The following RYR1 variants were observed in gnomAD, a reference collection of about 807,000 sequenced individuals.
The protein encoded by RYR1 is central core disease of muscle.
A neutral mutation model predicts 583.5 loss-of-function variants in RYR1; 342 were observed. The ratio of observed to expected loss-of-function variants is 0.59; its 90% confidence interval spans 0.54 to 0.64. RYR1 has a LOEUF of 0.64. Ranked by LOEUF, RYR1 falls within the 30% of genes least tolerant of loss-of-function variation. The pLI is 0.00. For synonymous variants in RYR1, 2,791 were observed against 2,822.5 expected, an observed-to-expected ratio of 0.99 and a Z score of 0.35; for missense variants, 6,032 against 6,917.2, an observed-to-expected ratio of 0.87 and a Z score of 4.54.
intron 19 of RYR1, 121 bp downstream of exon 19, chr19:38,459,459 A>G (rs758008592): frequency 7.6e-6 from 7 of 925,270 alleles, no homozygotes; most frequent in Non-Finnish European, 1.2e-5. Flanking sequence ...ATCAAGACTG[A>G]CTGGTGTCCA....
At chr19:38,519,533 G>A in intron 67 of RYR1, 79 bp downstream of exon 67, 2 of 1,491,920 alleles carry the variant, frequency 1.3e-6, no homozygotes, top group Middle Eastern at 4.7e-4. Context: ...TCCGCCTCCT[G>A]ACTGGCTAGA....
chr19:38,455,817 A>G (rs1568448383), intron 16 of RYR1, 66 bp downstream of exon 16: 2 of 999,278 alleles, frequency 2.0e-6, no homozygotes, highest in Non-Finnish European at 3.2e-6. Flanking sequence ...CCAGGGCTCC[A>G]GAACTCTGCT....
intron 81 of RYR1, 133 bp downstream of exon 81, chr19:38,535,525 CAG>C (rs1971928077): frequency 2.6e-6 from 2 of 761,174 alleles, no homozygotes; most frequent in Non-Finnish European, 4.8e-6. Flanking sequence ...GCTCAAATAA[CAG>C]GGAATTTATT....
At chr19:38,530,809 C>CT (rs1378466297) in intron 76 of RYR1, among the ~76,000 whole-genome samples, 5,070 of 146,760 alleles carry the variant, frequency 0.035, 281 homozygotes, top group African/African-American at 0.12. Flanking sequence ...GTCTCTCTCT[C>CT]TTTTTTTTTT....
Position 38,517,741 on chromosome 19 carries a change from T to C in RYR1, c.10018+50T>C, listed in dbSNP as rs566904093. On this transcript the variant is annotated intron_variant, in intron 66 of 105. Coordinates refer to ENST00000359596, the MANE Select transcript of RYR1 (RefSeq NM_000540.3). The stretch of plus-strand genomic sequence containing the variant: ...TGAGGGGTGGGTCAGCAGCCTGGGC[T>C]CCCTTGGCAGATGGTCTGAAAGGGA... 1.6e-4 allele frequency: 245 copies of C among 1,561,654 alleles called. 1 individual carries two copies. The highest frequency in any genetic ancestry group is 2.1e-4 in the Non-Finnish European group (239 of 1,132,694).
chr19:38,522,292 A>C (rs1369516995), intron 67 of RYR1, among the ~76,000 whole-genome samples: 1 of 152,114 alleles, frequency 6.6e-6, no homozygotes, highest in Non-Finnish European at 1.5e-5. Context: ...AAAAGGTTAG[A>C]CAAAGTTTTT....
chr19:38,506,354 G>A lies in RYR1; in HGVS notation c.8593G>A (p.Val2865Ile), dbSNP rs1447338630. 6.2e-7 allele frequency: 1 copy of A among 1,613,766 alleles called. No individual in the cohort carries two copies. Among genetic ancestry groups the A allele is most frequent in the South Asian group, 1.1e-5 (1 of 91,064 alleles). Residue 2865 changes from valine to isoleucine, a missense_variant, in exon 55 of 106, where the codon GTT becomes ATT. By Grantham distance (29) the Val-to-Ile change is conservative. Coordinates refer to ENST00000359596, the MANE Select transcript of RYR1 (RefSeq NM_000540.3). The stretch of plus-strand genomic sequence containing the variant: ...CCCTCAGCCCCCCGACCTTAGTGCT[G>A]TTACCCTGTCCCGGGAGCTGCAGGT... ...YNPQPPDLSA[V>I]TLSRELQAMA... is the part of the protein sequence containing the mutation.
chr19:38,503,264 C>T (rs1456310903), intron 49 of RYR1, among the ~76,000 whole-genome samples: 1 of 152,192 alleles, frequency 6.6e-6, no homozygotes, highest in African/African-American at 2.4e-5. Flanking sequence ...ACACCACTTT[C>T]CCTAATTAGC....
chr19:38,502,788 GGGGCAGGGGCAGGGGC>G lies in RYR1; in HGVS notation c.7835+62_7836-76del, dbSNP rs1970224667. 7 of 1,105,800 alleles carry G rather than the reference GGGGCAGGGGCAGGGGC, an allele frequency of 6.3e-6. No individual in the cohort carries two copies. In the African/African-American group the frequency reaches 7.6e-5, roughly 12 times the overall value. 68.5% of individuals were successfully genotyped at this position (1,105,800 alleles called of 1,614,324 possible). A position where few individuals can be genotyped will look rare whatever the true frequency, so the allele number is the denominator to read the frequency against. On this transcript the variant is annotated intron_variant, in intron 48 of 105. Coordinates refer to ENST00000359596, the MANE Select transcript of RYR1 (RefSeq NM_000540.3). ...AGGGGCAGGGGCAGGGGCAGGGGCA[GGGGCAGGGGCAGGGGC>G]AGGGGGAGGAGCAGGGGCAGGGGCA...
intron 76 of RYR1, among the ~76,000 whole-genome samples, chr19:38,530,222 G>T (rs1157436126): frequency 1.3e-5 from 2 of 152,026 alleles, no homozygotes; most frequent in African/African-American, 4.8e-5. Context: ...TCAAAGTGCT[G>T]GGACTACAGG....
chr19:38,467,782 C>T lies in RYR1; in HGVS notation c.3351C>T (p.Asp1117=), dbSNP rs151182947. The T allele has an allele frequency of 2.9e-5, 46 of 1,614,026 alleles. No homozygotes were observed. The highest frequency in any genetic ancestry group is 1.7e-4 in the African/African-American group (13 of 74,926). ...GGCCTGATGTAGAGCTGGGAGCTGA[C>T]GAGCTGGCCTATGTCTTCAATGGGC... is the stretch of plus-strand genomic sequence containing the variant. ...ELRPDVELGA[D]ELAYVFNGHR... The change falls in exon 25 of 106, where the codon GAC becomes GAT. Residue 1117 remains aspartate, a synonymous_variant. Coordinates refer to ENST00000359596, the MANE Select transcript of RYR1 (RefSeq NM_000540.3).
intron 58 of RYR1, among the ~76,000 whole-genome samples, chr19:38,509,624 T>C (rs1970639964): frequency 6.6e-6 from 1 of 151,580 alleles, no homozygotes; most frequent in Non-Finnish European, 1.5e-5. Context: ...GTTAATTTTT[T>C]GTGTTTGTAT....
At chr19:38,528,157 T>C in intron 73 of RYR1, 149 bp from the exon 74 acceptor site, 1 of 736,318 alleles carries the variant, frequency 1.4e-6, no homozygotes. Context: ...GTCAGGACCC[T>C]GACTCTGTTG....
intron 95 of RYR1, 101 bp from the exon 96 acceptor site, chr19:38,573,076 G>T (rs975867194): frequency 3.7e-5 from 58 of 1,570,198 alleles, no homozygotes; most frequent in Non-Finnish European, 4.9e-5. Flanking sequence ...CTTCTGATGT[G>T]GGGTCACACA....
At chr19:38,536,184 C>A in intron 82 of RYR1, 114 bp downstream of exon 82, 1 of 968,684 alleles carries the variant, frequency 1.0e-6, no homozygotes, top group South Asian at 1.4e-5. Flanking sequence ...CACTGGTTCC[C>A]AAGGGCTCCC....
chr19:38,506,288 C>G lies in RYR1; in HGVS notation c.8542-15C>G. 1 of 1,613,818 alleles carries G rather than the reference C, an allele frequency of 6.2e-7. No individual in the cohort carries two copies. ...GCCCATCAGCCCACCTCCCATCTTC[C>G]CCTTGTCCTCTCAGACCTATGATCC... is the stretch of plus-strand genomic sequence containing the variant. On this transcript the variant is annotated splice_polypyrimidine_tract_variant and intron_variant, in intron 54 of 105. Coordinates refer to ENST00000359596, the MANE Select transcript of RYR1 (RefSeq NM_000540.3).
chr19:38,467,116 CT>C (rs1968153487), intron 24 of RYR1, among the ~76,000 whole-genome samples: 1 of 152,162 alleles, frequency 6.6e-6, no homozygotes, highest in Non-Finnish European at 1.5e-5. Context: ...ACCCCTACCC[CT>C]AACCTGACTC....
intron 89 of RYR1, among the ~76,000 whole-genome samples, chr19:38,557,073 T>C (rs71356811): frequency 7.7e-6 from 1 of 129,886 alleles, no homozygotes; most frequent in Admixed American, 7.8e-5. Flanking sequence ...TTTTTTTTTG[T>C]GACAGAGTCT....
Position 38,561,160 on chromosome 19 carries a change from G to C in RYR1, c.12330G>C (p.Leu4110=), listed in dbSNP as rs767758231. Residue 4110 remains leucine (L), a synonymous_variant, in exon 90 of 106, where the codon CTG becomes CTC. Coordinates refer to ENST00000359596, the MANE Select transcript of RYR1 (RefSeq NM_000540.3). This position sits in a 1 kb window ranked among gnomAD's most constrained non-coding sequence, Gnocchi z 4.8. The part of the protein sequence containing the change: ...KQFSGPEIQF[L]LSCSEADENE... ...TCAGCGGTCCAGAAATCCAGTTCCT[G>C]CTTTCGTGCTCCGAAGCGGATGAGA... 9.9e-6 allele frequency: 16 copies of C among 1,614,168 alleles called. No homozygotes were observed. Among genetic ancestry groups the C allele is most frequent in the Non-Finnish European group, 1.4e-5 (16 of 1,180,040 alleles).
Sources: gnomAD v4.1 joint callset for allele counts (sites outside exome capture counted in the v4.1 genomes callset) on GRCh38, gnomAD v4.1.1 for gene constraint, Gnocchi (gnomAD v3.1) non-coding constraint, MANE v1.5 for transcripts, NCBI Gene and HGNC (gene_info 2026-07-23, HGNC 2026-07-21) for gene names.